ZRANB1: variants seen among roughly 807,000 people sequenced by gnomAD.
ZRANB1 encodes the protein ubiquitin thioesterase ZRANB1.
In ZRANB1, 16 loss-of-function variants were observed where a neutral mutation model predicts 80.5. The observed-to-expected ratio is 0.20, with a 90% CI of 0.13 to 0.30. The LOEUF (loss-of-function observed/expected upper bound fraction) is 0.30, where lower values mean the gene tolerates loss of function less well. Among genes scored for constraint, ZRANB1 ranks in the 10% least tolerant of loss-of-function variants. ZRANB1 has a pLI of 1.00. For missense variants in ZRANB1, 576 were observed against 862.6 expected (o/e 0.67, Z 4.16); for synonymous variants, 291 against 293.1 (o/e 0.99, Z 0.07).
intron 1 of ZRANB1, among the ~76,000 whole-genome samples, chr10:124,958,171 C>G (rs565375168): frequency 1.3e-5 from 2 of 152,296 alleles, no homozygotes; most frequent in African/African-American, 4.8e-5. Flanking sequence ...TTGTAACGAT[C>G]TTTGATAGTT....
In ZRANB1 at chr10:124,943,115, A is replaced by C. The variant is rs761788259; in HGVS notation, c.622A>C (p.Ser208Arg). The change falls in exon 1 of 9, where the codon AGT (serine) becomes CGT (arginine). Residue 208 changes from serine to arginine, a missense_variant. Physicochemically the swap from Ser to Arg is moderately radical, Grantham distance 110. Transcript: ENST00000359653. ...CAGAGCTCGATGGAGGGGAAGTTGC[A>C]GTAGTGGTAATAGCCAAAGGAGATC... is the stretch of plus-strand genomic sequence containing the variant. ...QDRARWRGSC[S>R]SGNSQRRSPP... 2.5e-6 allele frequency: 4 copies of C among 1,614,202 alleles called. No individual in the cohort carries two copies. Among genetic ancestry groups the C allele is most frequent in the Non-Finnish European group, 1.7e-6 (2 of 1,180,030 alleles).
At chr10:124,940,583 T>C (rs976099916), upstream of ZRANB1, 28 of 1,249,814 alleles carry the variant, frequency 2.2e-5, no homozygotes, top group South Asian at 8.8e-5. Flanking sequence ...TTAAGTAGTA[T>C]ACTTTCTTAT....
intron 1 of ZRANB1, chr10:124,945,946 C>T (rs548321286): frequency 6.6e-6 from 1 of 152,318 alleles, no homozygotes; most frequent in African/African-American, 2.4e-5. Flanking sequence ...ACCACCACGC[C>T]TGGCAAATTT....
chr10:124,933,219 G>A, the ZRANB1 span, among the ~76,000 whole-genome samples: 3 of 68,424 alleles, frequency 4.4e-5, no homozygotes, highest in East Asian at 1.7e-3. Flanking sequence ...TCACTGCAAC[G>A]TCCACCTCCC....
At chr10:124,972,827 G>C (rs1051096459) in intron 3 of ZRANB1, among the ~76,000 whole-genome samples, 1 of 151,492 alleles carries the variant, frequency 6.6e-6, no homozygotes, top group Non-Finnish European at 1.5e-5. Context: ...GCCCAGGCTA[G>C]AGTGCAATGG....
chr10:124,971,434 A>G lies in ZRANB1; in HGVS notation c.1003-531A>G, dbSNP rs141280927. Among the ~76,000 whole-genome samples, 34 of 152,282 alleles carry G rather than the reference A, an allele frequency of 2.2e-4. No individual in the cohort carries two copies. The East Asian group carries it at 6.0e-3, about 27-fold the overall frequency. On this transcript the variant is annotated intron_variant, in intron 2 of 8. Transcript: ENST00000359653. Reference sequence around the variant, plus strand: ...GCAGATGCCAAATGCTTTTTTAAAAACTCAAGAGTGGTAACAAATGGAGAG... The same window carrying G: ...GCAGATGCCAAATGCTTTTTTAAAAGCTCAAGAGTGGTAACAAATGGAGAG...
At chr10:124,967,710 G>A (rs1951787940) in intron 2 of ZRANB1, among the ~76,000 whole-genome samples, 1 of 152,004 alleles carries the variant, frequency 6.6e-6, no homozygotes, top group South Asian at 2.1e-4. Flanking sequence ...ATGGGAAGAG[G>A]GTTAGAGGGT....
Position 124,966,703 on chromosome 10 carries a change from CT to C in ZRANB1, c.927del (p.Phe309LeufsTer20). On this transcript the variant is annotated frameshift_variant, in exon 2 of 9. Coordinates refer to ENST00000359653, the MANE Select transcript of ZRANB1 (RefSeq NM_017580.3). LOFTEE classifies it high-confidence loss of function. ...EVRLLNRPSA[F>X]DVGYTLVHLA... Reference sequence around the variant, plus strand: ...TACGCTTGCTGAATCGTCCTTCTGCCTTTGATGTTGGCTATACTCTTGTACA... The same window carrying C: ...TACGCTTGCTGAATCGTCCTTCTGCCTTGATGTTGGCTATACTCTTGTACA... 1 of 1,614,076 alleles carries C rather than the reference CT, an allele frequency of 6.2e-7. No homozygotes were observed. The highest frequency in any genetic ancestry group is 8.5e-7 in the Non-Finnish European group (1 of 1,180,004).
At chr10:124,974,994 T>G (rs1431416096) in intron 5 of ZRANB1, among the ~76,000 whole-genome samples, 1 of 152,218 alleles carries the variant, frequency 6.6e-6, no homozygotes, top group Non-Finnish European at 1.5e-5. Flanking sequence ...GATGGAGTTT[T>G]GCCATCTTTC....
chr10:124,930,806 G>A, the ZRANB1 span, among the ~76,000 whole-genome samples: 2 of 152,240 alleles, frequency 1.3e-5, no homozygotes, highest in South Asian at 2.1e-4. Flanking sequence ...AGGCTGAGTC[G>A]AGAAGATTGA....
At chr10:124,949,414 C>T (rs1358742461) in intron 1 of ZRANB1, among the ~76,000 whole-genome samples, 1 of 147,660 alleles carries the variant, frequency 6.8e-6, no homozygotes, top group Non-Finnish European at 1.5e-5. Flanking sequence ...TATGTATACA[C>T]ATATATATGT....
At chr10:124,969,735 G>A (rs943881082) in intron 2 of ZRANB1, among the ~76,000 whole-genome samples, 1 of 152,062 alleles carries the variant, frequency 6.6e-6, no homozygotes, top group African/African-American at 2.4e-5. Flanking sequence ...AAAAAGTTGG[G>A]GATAATTGAT....
Position 124,985,075 on chromosome 10 carries a change from C to A in ZRANB1, c.*83C>A. 1.7e-6 allele frequency: 2 copies of A among 1,151,140 alleles called. No homozygotes were observed. The highest frequency in any genetic ancestry group is 1.4e-5 in the South Asian group (1 of 70,800). The allele number at this position is 1,151,140 out of a possible 1,614,324, so 71.3% of individuals were successfully genotyped here. A position where few individuals can be genotyped will look rare whatever the true frequency, so the allele number is the denominator to read the frequency against. On this transcript the variant is annotated 3_prime_UTR_variant, in exon 9 of 9. Coordinates refer to ENST00000359653, the MANE Select transcript of ZRANB1 (RefSeq NM_017580.3). ...AGTGTGGTGCTCCAAGCAGAGTCGA[C>A]ATCATGGAATGAACCAAATCTGGCA...
chr10:124,934,632 C>G, the ZRANB1 span, among the ~76,000 whole-genome samples: 3 of 152,254 alleles, frequency 2.0e-5, no homozygotes, highest in East Asian at 3.9e-4. Flanking sequence ...ATAGGAAATT[C>G]TGATTACGAA....
At chr10:124,952,909 C>A (rs113912051) in intron 1 of ZRANB1, among the ~76,000 whole-genome samples, 10 of 151,724 alleles carry the variant, frequency 6.6e-5, no homozygotes, top group South Asian at 4.2e-4. Flanking sequence ...CACGCCCAGC[C>A]CTAAACAAAT....
intron 1 of ZRANB1, among the ~76,000 whole-genome samples, chr10:124,965,266 G>A (rs1951767462): frequency 6.6e-6 from 1 of 152,214 alleles, no homozygotes; most frequent in Non-Finnish European, 1.5e-5. Context: ...AAGAATTCCT[G>A]TAAGAAGGCA....
At chr10:124,963,095 G>C (rs1399340483) in intron 1 of ZRANB1, among the ~76,000 whole-genome samples, 1 of 151,900 alleles carries the variant, frequency 6.6e-6, no homozygotes, top group African/African-American at 2.4e-5. Flanking sequence ...GTGAAACCCC[G>C]TCTCTACTAA....
intron 1 of ZRANB1, among the ~76,000 whole-genome samples, chr10:124,963,459 T>TA (rs370631245): frequency 4.6e-5 from 7 of 151,706 alleles, no homozygotes; most frequent in African/African-American, 1.7e-4. Flanking sequence ...TCTTCTACCT[T>TA]ATTCTTACGT....
intron 5 of ZRANB1, among the ~76,000 whole-genome samples, chr10:124,976,223 CG>C (rs1160882758): frequency 6.6e-6 from 1 of 152,158 alleles, no homozygotes; most frequent in Non-Finnish European, 1.5e-5. Flanking sequence ...GTAGGTTCAT[CG>C]GGCTGGGTAA....
Sources: allele counts gnomAD v4.1 joint callset (sites outside exome capture counted in the v4.1 genomes callset), GRCh38; gene constraint gnomAD v4.1.1; transcripts MANE v1.5; gene names NCBI Gene and HGNC (gene_info 2026-07-23, HGNC 2026-07-21).